Variants in LIN7A observed in about 807,000 individuals in gnomAD.
LIN7A encodes protein lin-7 homolog A.
Under a neutral mutation model 29.8 loss-of-function variants are expected in LIN7A, and 25 were observed. That is an observed-to-expected ratio of 0.84 (90% confidence interval 0.61 to 1.17). LIN7A has a LOEUF of 1.17. Among genes scored for constraint, LIN7A ranks in the 50% most tolerant of loss-of-function variants. The pLI is 0.00. For missense variants in LIN7A, 239 were observed against 287.0 expected (o/e 0.83, Z 1.21); for synonymous variants, 118 against 107.5 (o/e 1.10, Z -0.60).
At chr12:80,935,233 C>A (rs139601834) in intron 1 of LIN7A, among the ~76,000 whole-genome samples, 4 of 152,204 alleles carry the variant, frequency 2.6e-5, no homozygotes, top group African/African-American at 4.8e-5. Context: ...TAGGGATAGA[C>A]AAATGCAACA....
intron 4 of LIN7A, among the ~76,000 whole-genome samples, chr12:80,815,769 T>G (rs960992359): frequency 6.6e-6 from 1 of 152,216 alleles, no homozygotes; most frequent in Admixed American, 6.5e-5. Flanking sequence ...TTTTATCCCC[T>G]TGCTTTAAGA....
chr12:80,802,004 C>A (rs1443463427), intron 5 of LIN7A, among the ~76,000 whole-genome samples: 1 of 150,914 alleles, frequency 6.6e-6, no homozygotes, highest in Admixed American at 6.6e-5. Context: ...TCAATCTATT[C>A]TTTTGCCTCA....
chr12:80,830,230 A>G (rs1872279054), intron 4 of LIN7A, among the ~76,000 whole-genome samples: 1 of 152,180 alleles, frequency 6.6e-6, no homozygotes, highest in Non-Finnish European at 1.5e-5. Flanking sequence ...ATAAGCACTA[A>G]CATTTATTTA....
At chr12:80,919,922 G>A (rs749478076) in intron 1 of LIN7A, among the ~76,000 whole-genome samples, 72 of 151,860 alleles carry the variant, frequency 4.7e-4, no homozygotes, top group Non-Finnish European at 7.5e-4. Context: ...CAAGTCACAA[G>A]CAATTGCAGT....
intron 1 of LIN7A, among the ~76,000 whole-genome samples, chr12:80,936,092 A>G (rs183629933): frequency 4.3e-4 from 66 of 152,310 alleles, no homozygotes; most frequent in African/African-American, 1.6e-3. Context: ...ATACTTGGGA[A>G]GCTCATAGTT....
At chr12:80,906,682 G>A (rs1876491708) in intron 1 of LIN7A, among the ~76,000 whole-genome samples, 1 of 151,992 alleles carries the variant, frequency 6.6e-6, no homozygotes, top group Admixed American at 6.6e-5. Flanking sequence ...GTGCAGGGTG[G>A]GAGGAGGTGA....
rs774243223 is a variant in LIN7A, at chr12:80,848,329, T to C, written c.202-7A>G. 1.9e-5 allele frequency: 30 copies of C among 1,589,446 alleles called. No individual in the cohort carries two copies. The highest frequency in any genetic ancestry group is 1.7e-4 in the Middle Eastern group (1 of 6,004). On this transcript the variant is annotated splice_region_variant and splice_polypyrimidine_tract_variant and intron_variant, in intron 2 of 5. Transcript: ENST00000552864. Reference sequence around the variant, plus strand: ...CATGCATATATTGATACACCTAAAATGTTCACATAAAAAGAAGAATGTGTA... The same window carrying C: ...CATGCATATATTGATACACCTAAAACGTTCACATAAAAAGAAGAATGTGTA...
intron 4 of LIN7A, among the ~76,000 whole-genome samples, chr12:80,839,408 G>A (rs866549666): frequency 4.6e-5 from 7 of 152,110 alleles, no homozygotes; most frequent in Admixed American, 1.3e-4. Flanking sequence ...GGTAAATAAT[G>A]AATTCATTAT....
intron 2 of LIN7A, among the ~76,000 whole-genome samples, chr12:80,883,005 T>C (rs1254815033): frequency 6.6e-6 from 1 of 152,170 alleles, no homozygotes; most frequent in Non-Finnish European, 1.5e-5. Flanking sequence ...ACTTTTCCAT[T>C]ATATTACAAT....
intron 5 of LIN7A, among the ~76,000 whole-genome samples, chr12:80,800,814 C>T (rs1870686698): frequency 6.6e-6 from 1 of 151,900 alleles, no homozygotes; most frequent in Non-Finnish European, 1.5e-5. Context: ...AAACCAACTA[C>T]AGACCAATAT....
chr12:80,917,663 G>A (rs1277315729), intron 1 of LIN7A, among the ~76,000 whole-genome samples: 3 of 151,302 alleles, frequency 2.0e-5, no homozygotes, highest in African/African-American at 7.3e-5. Flanking sequence ...TCAGTGTTAT[G>A]CTCTTAGTTT....
chr12:80,913,153 A>G (rs1211784949), intron 1 of LIN7A, among the ~76,000 whole-genome samples: 2 of 152,194 alleles, frequency 1.3e-5, no homozygotes, highest in Non-Finnish European at 2.9e-5. Flanking sequence ...TCCAGACTCC[A>G]TATTCTGACC....
At chr12:80,835,741 G>C (rs981455714) in intron 4 of LIN7A, among the ~76,000 whole-genome samples, 1 of 152,114 alleles carries the variant, frequency 6.6e-6, no homozygotes, top group Non-Finnish European at 1.5e-5. Context: ...TGACAAAATA[G>C]AGTCTCAAAG....
At chr12:80,805,998 A>ATC (rs1555221226) in intron 5 of LIN7A, among the ~76,000 whole-genome samples, 6 of 147,698 alleles carry the variant, frequency 4.1e-5, no homozygotes, top group South Asian at 2.1e-4. Context: ...GAATCGCTTG[A>ATC]ACCCAGGAGG....
chr12:80,855,551 G>A (rs1873553790), intron 2 of LIN7A, among the ~76,000 whole-genome samples: 1 of 151,962 alleles, frequency 6.6e-6, no homozygotes, highest in African/African-American at 2.4e-5. Context: ...AGGCCACCTG[G>A]GTAGTTGGAA....
Position 80,860,827 on chromosome 12 carries a change from G to A in LIN7A, c.202-12505C>T, listed in dbSNP as rs1873835106. On this transcript the variant is annotated intron_variant, in intron 2 of 5. Coordinates refer to ENST00000552864, the MANE Select transcript of LIN7A (RefSeq NM_004664.4). ...CTCCTTTAGTAGATCTTTGATTGTG[G>A]AAATGTCATCTGAAAATGCTATCTT... 5 of 152,194 alleles carry A rather than the reference G, an allele frequency of 3.3e-5. 1 individual carries two copies. In the South Asian group the frequency reaches 1.0e-3, roughly 32 times the overall value. The allele number at this position is 152,194 out of a possible 1,614,324, so 9.4% of individuals were successfully genotyped here.
chr12:80,802,612 C>A (rs554041415), intron 5 of LIN7A, among the ~76,000 whole-genome samples: 1 of 151,998 alleles, frequency 6.6e-6, no homozygotes, highest in Non-Finnish European at 1.5e-5. Context: ...CCTCTTACTC[C>A]ATACGTTTGC....
chr12:80,831,210 T>C (rs2121527484), intron 4 of LIN7A, among the ~76,000 whole-genome samples: 1 of 152,318 alleles, frequency 6.6e-6, no homozygotes, highest in South Asian at 2.1e-4. Context: ...ATAGCCTTGT[T>C]TGGCTACACA....
At chr12:80,813,785 C>T (rs761690436) in intron 4 of LIN7A, among the ~76,000 whole-genome samples, 3 of 152,052 alleles carry the variant, frequency 2.0e-5, no homozygotes, top group East Asian at 1.9e-4. Context: ...CCCCTCTGAG[C>T]GGATCACCAG....
Sources: gnomAD v4.1 joint callset for allele counts (sites outside exome capture counted in the v4.1 genomes callset) on GRCh38, gnomAD v4.1.1 for gene constraint, MANE v1.5 for transcripts, NCBI Gene and HGNC (gene_info 2026-07-23, HGNC 2026-07-21) for gene names.